Variants in TENM2 observed in about 807,000 individuals in gnomAD.
TENM2 encodes teneurin transmembrane protein 2, also known as teneurin-2.
In TENM2, 52 loss-of-function variants were observed where a neutral mutation model predicts 245.2. The ratio of observed to expected loss-of-function variants is 0.21; its 90% confidence interval spans 0.17 to 0.27. The LOEUF is 0.27. Ranked by LOEUF, TENM2 falls within the 10% of genes least tolerant of loss-of-function variation. TENM2 has a pLI of 1.00. For synonymous variants in TENM2, 1,363 were observed against 1,438.9 expected (o/e 0.95, Z 1.19); for missense variants, 3,046 against 3,666.8 (o/e 0.83, Z 4.37).
At chr5:167,900,135 G>C (rs10064019) in intron 3 of TENM2, among the ~76,000 whole-genome samples, 1,504 of 77,980 alleles carry the variant, frequency 0.019, 31 homozygotes, top group African/African-American at 0.053. Flanking sequence ...AAAAAAAAAG[G>C]GGGGGGGGGT....
At chr5:168,069,289 T>TA (rs1189159410) in intron 7 of TENM2, among the ~76,000 whole-genome samples, 1 of 152,172 alleles carries the variant, frequency 6.6e-6, no homozygotes, top group Non-Finnish European at 1.5e-5. Context: ...AAACGACAGT[T>TA]ACAGAAGTTC....
At chr5:168,070,141 A>G (rs1790860569) in intron 7 of TENM2, among the ~76,000 whole-genome samples, 1 of 152,186 alleles carries the variant, frequency 6.6e-6, no homozygotes, top group Admixed American at 6.5e-5. Flanking sequence ...CTCTTTTGAC[A>G]TCTCTAAAAA....
rs10581183 is a variant in TENM2, at chr5:167,550,699, AGTGTGTGTGTGTGTGTGTGTGT to A, written c.502+175256_502+175277del. On this transcript the variant is annotated intron_variant, in intron 2 of 28. Coordinates refer to ENST00000518659, the Ensembl canonical transcript of TENM2. ...AATTACCTTTTTTTTTGTTGTTGTTAGTGTGTGTGTGTGTGTGTGTGTGTGTGTGTGTGTGTGTGTGTGTGTG... is the reference window on the plus strand; with the variant it reads ...AATTACCTTTTTTTTTGTTGTTGTTAGTGTGTGTGTGTGTGTGTGTGTGTG... 4.3e-4 allele frequency among the ~76,000 whole-genome samples: 49 copies of A among 114,176 alleles called. 1 individual carries two copies. Among genetic ancestry groups the A allele is most frequent in the South Asian group, 2.8e-3 (9 of 3,174 alleles). 74.9% of individuals were successfully genotyped at this position (114,176 alleles called of 152,430 possible). A position where few individuals can be genotyped will look rare whatever the true frequency, so the allele number is the denominator to read the frequency against.
At chr5:168,021,245 T>C (rs925497700) in intron 5 of TENM2, among the ~76,000 whole-genome samples, 2 of 152,244 alleles carry the variant, frequency 1.3e-5, no homozygotes, top group African/African-American at 4.8e-5. Context: ...AAGCACTTCT[T>C]AGGCATGAGG....
chr5:167,222,301 A>C, the TENM2 span, among the ~76,000 whole-genome samples: 1 of 152,192 alleles, frequency 6.6e-6, no homozygotes, highest in Non-Finnish European at 1.5e-5. Context: ...ATACAACCTT[A>C]AACTTTTTAT....
At chr5:167,185,386 C>T in the TENM2 span, among the ~76,000 whole-genome samples, 1 of 152,130 alleles carries the variant, frequency 6.6e-6, no homozygotes, top group Non-Finnish European at 1.5e-5. Flanking sequence ...ATATCTTCTA[C>T]AGTGATTCTC....
rs149472223 is a variant in TENM2, at chr5:168,066,327, G to A, written c.1515+4062G>A. Among the ~76,000 whole-genome samples, 522 of 152,264 alleles carry A rather than the reference G, an allele frequency of 3.4e-3. 1 individual carries two copies. The highest frequency in any genetic ancestry group is 0.012 in the African/African-American group (495 of 41,548). On this transcript the variant is annotated intron_variant, in intron 7 of 28. Transcript: ENST00000518659. ...CAGTCACATCATAACTTTAGTGGAG[G>A]AGGACATACCATCAGATGGTGTCCC...
At chr5:167,556,150 A>G (rs557124815) in intron 2 of TENM2, among the ~76,000 whole-genome samples, 1 of 152,270 alleles carries the variant, frequency 6.6e-6, no homozygotes, top group African/African-American at 2.4e-5. Flanking sequence ...ACAACCAATC[A>G]GATATGAGGA....
intron 2 of TENM2, among the ~76,000 whole-genome samples, chr5:167,714,386 G>T (rs898434473): frequency 6.6e-6 from 1 of 152,194 alleles, no homozygotes; most frequent in Admixed American, 6.5e-5. Flanking sequence ...TCTTTCTTCT[G>T]TTGTTTCGTG....
rs192467734 is a variant in TENM2, at chr5:167,410,378, T to C, written c.502+34905T>C. Among the ~76,000 whole-genome samples, 184 of 152,174 alleles carry C rather than the reference T, an allele frequency of 1.2e-3. 3 individuals are homozygous for C. In the Middle Eastern group the frequency reaches 0.017, roughly 14 times the overall value. On this transcript the variant is annotated intron_variant, in intron 2 of 28. Coordinates refer to ENST00000518659, the Ensembl canonical transcript of TENM2. ...TTGGAAAAGAGCTATTTAAGCCTAA[T>C]AAGCCATATGCTTGATGAATTGATT...
intron 5 of TENM2, among the ~76,000 whole-genome samples, chr5:168,016,029 C>T (rs190227319): frequency 1.1e-4 from 17 of 152,284 alleles, no homozygotes; most frequent in African/African-American, 3.9e-4. Flanking sequence ...GCACTGTTAA[C>T]CTGAGCTGCA....
chr5:167,105,825 T>TTGCAG, the TENM2 span, among the ~76,000 whole-genome samples: 1 of 129,766 alleles, frequency 7.7e-6, no homozygotes, highest in South Asian at 2.4e-4. Flanking sequence ...GAGGCGGAGC[T>TTGCAG]TGCAGTGAGC....
chr5:167,267,317 G>A, the TENM2 span, among the ~76,000 whole-genome samples: 6 of 152,110 alleles, frequency 3.9e-5, no homozygotes, highest in Non-Finnish European at 5.9e-5. Flanking sequence ...GGTTTAAAGA[G>A]TGTATATCTT....
At chr5:166,990,200 A>G in the TENM2 span, among the ~76,000 whole-genome samples, 8 of 152,182 alleles carry the variant, frequency 5.3e-5, no homozygotes, top group African/African-American at 1.9e-4. Flanking sequence ...TTCCTCACTA[A>G]ATTATTAGTA....
rs546945641 is a variant in TENM2 at position 167,782,044 on chromosome 5, T to C, written c.503-93942T>C. ...AAAAATAAAAATAGGCTGGGCACAG[T>C]GGCTCACACCTGTAATCCCAGCACT... On this transcript the variant is annotated intron_variant, in intron 2 of 28. Coordinates refer to ENST00000518659, the Ensembl canonical transcript of TENM2. 4.6e-5 allele frequency among the ~76,000 whole-genome samples: 7 copies of C among 152,014 alleles called. No individual in the cohort carries two copies. In the South Asian group the frequency reaches 1.0e-3, roughly 23 times the overall value.
At chr5:167,719,943 C>G (rs184924840) in intron 2 of TENM2, among the ~76,000 whole-genome samples, 1 of 152,134 alleles carries the variant, frequency 6.6e-6, no homozygotes, top group African/African-American at 2.4e-5. Flanking sequence ...ATATTCCAAA[C>G]TGCACTCCAC....
At chr5:168,118,776 GTCTT>G (rs1195781877) in intron 10 of TENM2, among the ~76,000 whole-genome samples, 4 of 151,962 alleles carry the variant, frequency 2.6e-5, no homozygotes, top group African/African-American at 9.7e-5. Flanking sequence ...CTCTGCCTTT[GTCTT>G]TCTGTCTTCT....
At chr5:167,433,614 CTA>C (rs1455139757) in intron 2 of TENM2, among the ~76,000 whole-genome samples, 2 of 152,002 alleles carry the variant, frequency 1.3e-5, no homozygotes, top group East Asian at 3.9e-4. Context: ...CTGAACATAG[CTA>C]ATACTTGAGC....
In TENM2 at chr5:167,454,568, T is replaced by G. The variant is rs943567511; in HGVS notation, c.502+79095T>G. Among the ~76,000 whole-genome samples, 4 of 152,100 alleles carry G rather than the reference T, an allele frequency of 2.6e-5. No individual in the cohort carries two copies. In the South Asian group the frequency reaches 8.3e-4, roughly 32 times the overall value. On this transcript the variant is annotated intron_variant, in intron 2 of 28. Coordinates refer to ENST00000518659, the Ensembl canonical transcript of TENM2. ...ATTTATGTGTGTGTCTGTATTTCTT[T>G]GTGTGTATGTGTGCACATGCATGTG...
Sources: gnomAD v4.1 joint callset for allele counts (sites outside exome capture counted in the v4.1 genomes callset) on GRCh38, gnomAD v4.1.1 for gene constraint, MANE v1.5 for transcripts, NCBI Gene and HGNC (gene_info 2026-07-23, HGNC 2026-07-21) for gene names.